Variants in KCNN2 observed in about 807,000 individuals in gnomAD.
KCNN2 encodes the protein potassium calcium-activated channel subfamily N member 2.
Under a neutral mutation model 55.5 loss-of-function variants are expected in KCNN2, and 24 were observed. The observed-to-expected ratio is 0.43, with a 90% CI of 0.31 to 0.61. The LOEUF is 0.61. Among genes scored for constraint, KCNN2 ranks in the 20% least tolerant of loss-of-function variants. The pLI, the probability that KCNN2 is intolerant of heterozygous loss-of-function variation, is 0.08. For missense variants in KCNN2, 754 were observed against 853.6 expected (o/e 0.88, Z 1.45); for synonymous variants, 431 against 336.1 (o/e 1.28, Z -3.09).
chr5:114,463,609 C>A (rs1046339442), intron 4 of KCNN2, among the ~76,000 whole-genome samples: 1 of 152,070 alleles, frequency 6.6e-6, no homozygotes. Context: ...ATTTATTTTT[C>A]TTTCTTTTAA....
intron 2 of KCNN2, among the ~76,000 whole-genome samples, chr5:114,278,140 C>G (rs1580686725): frequency 6.6e-6 from 1 of 152,320 alleles, no homozygotes; most frequent in South Asian, 2.1e-4. Flanking sequence ...TGCAGGTCCA[C>G]TCCAGACCCT....
intron 1 of KCNN2, among the ~76,000 whole-genome samples, chr5:114,143,400 C>T (rs1434252948): frequency 6.6e-6 from 1 of 152,056 alleles, no homozygotes; most frequent in Non-Finnish European, 1.5e-5. Context: ...TACAAACAAT[C>T]CATAGAAACA....
At chr5:114,264,729 T>C (rs182527524) in intron 2 of KCNN2, among the ~76,000 whole-genome samples, 16 of 152,294 alleles carry the variant, frequency 1.1e-4, no homozygotes, top group African/African-American at 3.8e-4. Flanking sequence ...CTGAGCTAAC[T>C]TGTTGCTGGT....
intron 1 of KCNN2, among the ~76,000 whole-genome samples, chr5:114,136,531 G>C (rs1752176889): frequency 6.6e-6 from 1 of 152,182 alleles, no homozygotes; most frequent in East Asian, 1.9e-4. Flanking sequence ...AAGATGGATA[G>C]GCAGTTCATG....
chr5:114,212,159 A>G (rs1028033719), intron 1 of KCNN2, among the ~76,000 whole-genome samples: 2 of 152,032 alleles, frequency 1.3e-5, no homozygotes, highest in African/African-American at 2.4e-5. Flanking sequence ...TCATTCAAAT[A>G]TTAATCTTGT....
chr5:114,171,200 G>T (rs150032438), intron 1 of KCNN2, among the ~76,000 whole-genome samples: 279 of 152,010 alleles, frequency 1.8e-3, no homozygotes, highest in African/African-American at 6.6e-3. Flanking sequence ...TTTTAGGAAG[G>T]AAGTATGCAT....
At chr5:114,116,194 G>A (rs1017610395) in intron 1 of KCNN2, among the ~76,000 whole-genome samples, 1 of 152,096 alleles carries the variant, frequency 6.6e-6, no homozygotes, top group African/African-American at 2.4e-5. Flanking sequence ...GAGAGAGAGC[G>A]AGGGAGAGGT....
intron 2 of KCNN2, among the ~76,000 whole-genome samples, chr5:114,241,508 T>C (rs1561536796): frequency 6.6e-6 from 1 of 151,406 alleles, no homozygotes; most frequent in Admixed American, 6.6e-5. Context: ...TTAATACGTA[T>C]AGGAAGTTAC....
At chr5:114,159,591 C>A (rs1488646179) in intron 1 of KCNN2, among the ~76,000 whole-genome samples, 1 of 152,114 alleles carries the variant, frequency 6.6e-6, no homozygotes, top group Non-Finnish European at 1.5e-5. Context: ...CCAGTTCCTC[C>A]TTGTACCTCT....
chr5:114,221,614 A>G (rs531520191), intron 2 of KCNN2, among the ~76,000 whole-genome samples: 9 of 152,316 alleles, frequency 5.9e-5, no homozygotes, highest in Admixed American at 3.9e-4. Context: ...TAATATAAAT[A>G]AGTGATTTTA....
chr5:114,319,441 G>A (rs181678847), intron 2 of KCNN2, among the ~76,000 whole-genome samples: 1 of 152,188 alleles, frequency 6.6e-6, no homozygotes, highest in Admixed American at 6.5e-5. Flanking sequence ...TCAGCACAGT[G>A]GAAATTCATC....
intron 2 of KCNN2, among the ~76,000 whole-genome samples, chr5:114,365,658 C>T (rs1483690115): frequency 6.6e-6 from 1 of 152,208 alleles, no homozygotes; most frequent in Non-Finnish European, 1.5e-5. Context: ...ATGCCAAAAA[C>T]TGTGAAACGT....
At chr5:114,394,940 C>T (rs998562053) in intron 2 of KCNN2, among the ~76,000 whole-genome samples, 2 of 152,148 alleles carry the variant, frequency 1.3e-5, no homozygotes, top group East Asian at 3.9e-4. Flanking sequence ...TCAGAATTTT[C>T]CTGGCTATTC....
chr5:114,069,073 C>T (rs547039292), intron 1 of KCNN2, among the ~76,000 whole-genome samples: 3 of 152,154 alleles, frequency 2.0e-5, no homozygotes, highest in South Asian at 4.1e-4. Context: ...CCTCGGCCTC[C>T]CAATGTGCTG....
At position 114,362,960 on chromosome 5, in the gene KCNN2, C is replaced by T. The variant is rs1757485482; in HGVS notation, c.821C>T (p.Ser274Leu). Residue 274 changes from serine (S) to leucine (L), a missense_variant, in exon 1 of 8, where the codon TCA (serine) becomes TTA (leucine). Coordinates refer to ENST00000673685, the MANE Select transcript of KCNN2 (RefSeq NM_021614.4). ...AAAAAAAVSSSAPEIVVSKPE... is the reference protein window; with the variant it reads ...AAAAAAAVSSLAPEIVVSKPE... ...GCCGCCGCCGCCGCTGTTTCGTCCT[C>T]AGCCCCCGAGATCGTGGTGTCTAAG... The T allele has an allele frequency of 6.3e-7, 1 of 1,588,810 alleles. No homozygotes were observed. Among genetic ancestry groups the T allele is most frequent in the Admixed American group, 1.7e-5 (1 of 58,036 alleles).
chr5:114,280,051 T>C (rs1366847475), intron 2 of KCNN2, among the ~76,000 whole-genome samples: 1 of 152,212 alleles, frequency 6.6e-6, no homozygotes, highest in African/African-American at 2.4e-5. Context: ...TGATGGCCAG[T>C]GATGATGAGC....
At chr5:114,142,323 G>T (rs927370155) in intron 1 of KCNN2, among the ~76,000 whole-genome samples, 1 of 152,062 alleles carries the variant, frequency 6.6e-6, no homozygotes, top group African/African-American at 2.4e-5. Flanking sequence ...GTGTAAGGAA[G>T]GGATCCAGTT....
At chr5:114,329,041 G>A (rs1175761766) in intron 2 of KCNN2, among the ~76,000 whole-genome samples, 1 of 152,092 alleles carries the variant, frequency 6.6e-6, no homozygotes, top group Non-Finnish European at 1.5e-5. Flanking sequence ...CAACAGCCTT[G>A]TAACCAATCT....
At chr5:114,099,577 C>A (rs553466906) in intron 1 of KCNN2, among the ~76,000 whole-genome samples, 1 of 152,072 alleles carries the variant, frequency 6.6e-6, no homozygotes, top group Non-Finnish European at 1.5e-5. Flanking sequence ...CTTGAGATCA[C>A]GGGATCCTCC....
Sources: allele counts gnomAD v4.1 joint callset (sites outside exome capture counted in the v4.1 genomes callset), GRCh38; gene constraint gnomAD v4.1.1; transcripts MANE v1.5; gene names NCBI Gene and HGNC (gene_info 2026-07-23, HGNC 2026-07-21).